Variants in APC observed in about 807,000 individuals in gnomAD.
APC encodes adenomatous polyposis coli protein.
Under a neutral mutation model 247.0 loss-of-function variants are expected in APC, and 72 were observed. The observed-to-expected ratio is 0.29, with a 90% confidence interval of 0.24 to 0.35. APC has a LOEUF of 0.35. Ranked by LOEUF, APC falls within the 10% of genes least tolerant of loss-of-function variation. The probability of loss-of-function intolerance (pLI) is 1.00; values close to 1 mark genes in which losing one functional copy is unlikely to be tolerated. For missense variants in APC, 3,400 were observed against 3,360.7 expected, an observed-to-expected ratio of 1.01 and a Z score of -0.29; for synonymous variants, 1,254 against 1,162.5, an observed-to-expected ratio of 1.08 and a Z score of -1.60.
intron 1 of APC, among the ~76,000 whole-genome samples, chr5:112,740,850 A>G (rs1169695579): frequency 6.6e-6 from 1 of 152,042 alleles, no homozygotes; most frequent in African/African-American, 2.4e-5. Flanking sequence ...ATTGCTCTGT[A>G]GATTTTACCA....
chr5:112,755,207 A>T, intron 2 of APC, 182 bp downstream of exon 2: 1 of 456,952 alleles, frequency 2.2e-6, no homozygotes, highest in Non-Finnish European at 2.9e-6. Context: ...TCATTCAGTG[A>T]ATCATATAAA....
intron 14 of APC, among the ~76,000 whole-genome samples, chr5:112,833,442 A>G (rs887092418): frequency 3.3e-5 from 5 of 152,122 alleles, no homozygotes; most frequent in Admixed American, 2.6e-4. Context: ...TGGCCCCTCA[A>G]AGTGCTGGGA....
At chr5:112,775,008 A>G (rs1757463334) in intron 4 of APC, among the ~76,000 whole-genome samples, 1 of 152,176 alleles carries the variant, frequency 6.6e-6, no homozygotes, top group Non-Finnish European at 1.5e-5. Flanking sequence ...TTATCCCTGT[A>G]ACACTCTTAC....
chr5:112,794,603 A>G (rs773131552), intron 7 of APC, among the ~76,000 whole-genome samples: 9 of 152,168 alleles, frequency 5.9e-5, no homozygotes, highest in Non-Finnish European at 1.0e-4. Context: ...CAAGCTGTCT[A>G]TAAATTCCAC....
intron 6 of APC, among the ~76,000 whole-genome samples, chr5:112,783,977 G>C (rs1758667437): frequency 6.6e-6 from 1 of 151,580 alleles, no homozygotes; most frequent in African/African-American, 2.4e-5. Flanking sequence ...TTGCCTATCA[G>C]CTGCCCGAAA....
chr5:112,775,499 A>AT, intron 4 of APC, 130 bp from the exon 5 acceptor site: 1 of 574,360 alleles, frequency 1.7e-6, no homozygotes, highest in East Asian at 2.9e-5. Flanking sequence ...ATCAATGTAA[A>AT]TTTTTTGAGT....
chr5:112,793,741 C>A (rs1759898991), intron 7 of APC, among the ~76,000 whole-genome samples: 1 of 151,980 alleles, frequency 6.6e-6, no homozygotes, highest in African/African-American at 2.4e-5. Flanking sequence ...AGAAATAAAT[C>A]AAAATTTCTC....
At chr5:112,781,037 G>T (rs1758284730) in intron 6 of APC, 134 bp downstream of exon 6, 1 of 702,416 alleles carries the variant, frequency 1.4e-6, no homozygotes, top group Non-Finnish European at 2.6e-6. Context: ...TTCAAAATAA[G>T]ATTTATCATG....
chr5:112,726,973 G>A (rs965261343), intron 1 of APC, among the ~76,000 whole-genome samples: 3 of 151,800 alleles, frequency 2.0e-5, no homozygotes, highest in Admixed American at 6.6e-5. Flanking sequence ...CATTATGAAC[G>A]CCTATATTAG....
chr5:112,722,997 C>T (rs1206242696), intron 1 of APC, among the ~76,000 whole-genome samples: 2 of 152,088 alleles, frequency 1.3e-5, no homozygotes, highest in African/African-American at 2.4e-5. Context: ...AGCATTTCTT[C>T]TTTGATATGG....
intron 2 of APC, among the ~76,000 whole-genome samples, chr5:112,757,395 A>G (rs114827715): frequency 2.3e-3 from 344 of 152,176 alleles, no homozygotes; most frequent in Non-Finnish European, 3.5e-3. Context: ...ACCTTATATA[A>G]ACTCGAATCA....
intron 1 of APC, among the ~76,000 whole-genome samples, chr5:112,746,873 A>G (rs191558030): frequency 4.9e-4 from 75 of 152,352 alleles, no homozygotes; most frequent in African/African-American, 1.6e-3. Flanking sequence ...TACAGATTAT[A>G]TGATTGCATA....
rs148987776 is a variant in APC, at chr5:112,837,856, T to G, written c.2262T>G (p.Val754=). 1.8e-4 allele frequency: 293 copies of G among 1,614,044 alleles called. 1 individual carries two copies. The African/African-American group carries it at 3.2e-3, about 18-fold the overall frequency. The change falls in exon 16 of 16, where the codon GTT becomes GTG. Residue 754 remains valine, a synonymous_variant. Coordinates refer to ENST00000257430, the MANE Select transcript of APC (RefSeq NM_000038.6). ...GCTCAAGCTTGCCATCTCTTCATGT[T>G]AGGAAACAAAAAGCCCTAGAAGCAG... The part of the protein sequence containing the change: ...SPGSSLPSLH[V]RKQKALEAEL...
chr5:112,788,309 A>T (rs114388670), intron 6 of APC, among the ~76,000 whole-genome samples: 4,545 of 152,270 alleles, frequency 0.03, 81 homozygotes, highest in Middle Eastern at 0.048. Flanking sequence ...ATTCAGATAA[A>T]AGCTTCATGG....
chr5:112,757,094 C>G (rs1263773337), intron 2 of APC, among the ~76,000 whole-genome samples: 1 of 152,072 alleles, frequency 6.6e-6, no homozygotes, highest in Non-Finnish European at 1.5e-5. Flanking sequence ...CTGAAACCAA[C>G]CATAAATTTT....
chr5:112,810,897 T>C (rs1761919001), intron 8 of APC, among the ~76,000 whole-genome samples: 2 of 152,094 alleles, frequency 1.3e-5, no homozygotes, highest in Non-Finnish European at 2.9e-5. Flanking sequence ...TGGTGGCACA[T>C]GCCTGTAATC....
intron 6 of APC, among the ~76,000 whole-genome samples, chr5:112,785,402 G>C (rs942528523): frequency 3.3e-5 from 5 of 152,080 alleles, no homozygotes; most frequent in Non-Finnish European, 7.4e-5. Context: ...GGGGTAGGAG[G>C]ACCTGTTCAC....
At chr5:112,811,548 C>G (rs1761984728) in intron 8 of APC, among the ~76,000 whole-genome samples, 1 of 152,128 alleles carries the variant, frequency 6.6e-6, no homozygotes, top group Non-Finnish European at 1.5e-5. Context: ...ATAAATACAT[C>G]TAAATTTCTA....
At chr5:112,789,955 G>C (rs1338623011) in intron 6 of APC, among the ~76,000 whole-genome samples, 1 of 151,988 alleles carries the variant, frequency 6.6e-6, no homozygotes, top group Non-Finnish European at 1.5e-5. Flanking sequence ...CGCCTCCCAG[G>C]CTCAAGCCAT....
Sources: allele counts gnomAD v4.1 joint callset (sites outside exome capture counted in the v4.1 genomes callset), GRCh38; gene constraint gnomAD v4.1.1; transcripts MANE v1.5; gene names NCBI Gene and HGNC (gene_info 2026-07-23, HGNC 2026-07-21).